Variants in ERICH3 observed in about 807,000 individuals in gnomAD.
ERICH3 encodes glutamate-rich protein 3.
ERICH3 carries 126 observed loss-of-function variants against 131.1 expected under a neutral mutation model. That is an observed-to-expected ratio of 0.96 (90% CI 0.83 to 1.11). ERICH3 has a LOEUF of 1.11. ERICH3 is among the 50% of genes most tolerant of loss of function. ERICH3 has a pLI of 0.00. For missense variants in ERICH3, 2,050 were observed against 1,810.7 expected, an observed-to-expected ratio of 1.13 and a Z score of -2.40; for synonymous variants, 695 against 644.6, an observed-to-expected ratio of 1.08 and a Z score of -1.18.
chr1:74,594,274 G>A (rs910937990), intron 11 of ERICH3, among the ~76,000 whole-genome samples: 9 of 79,766 alleles, frequency 1.1e-4, no homozygotes, highest in African/African-American at 7.0e-4. Context: ...AAAATGGGGC[G>A]TGTGTGTGTG....
chr1:74,606,733 A>T lies in ERICH3; in HGVS notation c.1357T>A (p.Ser453Thr). The T allele has an allele frequency of 6.2e-7, 1 of 1,613,512 alleles. No individual in the cohort carries two copies. The highest frequency in any genetic ancestry group is 8.5e-7 in the Non-Finnish European group (1 of 1,179,628). Reference protein sequence around the residue: ...NEIKENKTSVSAKFSAQEIKT... With the variant: ...NEIKENKTSVTAKFSAQEIKT... ...ATTTCTTGAGCTGAAAATTTGGCTG[A>T]AACAGAGGTTTTGTTCTCCTTGATC... Residue 453 changes from serine (S) to threonine (T), a missense_variant, in exon 10 of 15, where the codon TCA becomes ACA. Transcript: ENST00000326665.
At chr1:74,649,122 G>A (rs961998956) in intron 2 of ERICH3, 100 bp downstream of exon 2, 1 of 744,538 alleles carries the variant, frequency 1.3e-6, no homozygotes, top group Non-Finnish European at 2.1e-6. Flanking sequence ...CTAAAATGAG[G>A]GCAAGTGGAA....
intron 11 of ERICH3, among the ~76,000 whole-genome samples, chr1:74,593,142 G>T (rs756454932): frequency 6.6e-6 from 1 of 152,110 alleles, no homozygotes; most frequent in Non-Finnish European, 1.5e-5. Flanking sequence ...CATTGCGTGA[G>T]GTCTTGGCCG....
intron 1 of ERICH3, among the ~76,000 whole-genome samples, chr1:74,654,189 C>G (rs555847590): frequency 1.5e-4 from 23 of 152,110 alleles, no homozygotes; most frequent in Non-Finnish European, 2.9e-5. Context: ...ACAAGAATCA[C>G]CTTTAAAAAT....
intron 6 of ERICH3, 61 bp from the exon 7 acceptor site, chr1:74,631,989 C>T: frequency 6.9e-7 from 1 of 1,455,272 alleles, no homozygotes; most frequent in Non-Finnish European, 9.5e-7. Flanking sequence ...CAATGTAACC[C>T]AAATTTAAAG....
At chr1:74,570,696 CCTT>C (rs1646926771) in intron 14 of ERICH3, among the ~76,000 whole-genome samples, 1 of 152,160 alleles carries the variant, frequency 6.6e-6, no homozygotes, top group East Asian at 1.9e-4. Flanking sequence ...TAACAAACAA[CCTT>C]CATCTCATCC....
chr1:74,572,026 C>T lies in ERICH3; in HGVS notation c.3684G>A (p.Gln1228=), dbSNP rs1557655098. The change falls in exon 14 of 15, where the codon CAG becomes CAA. Residue 1228 remains glutamine, a synonymous_variant. Coordinates refer to ENST00000326665, the MANE Select transcript of ERICH3 (RefSeq NM_001002912.5). ...APEAEPAGKV[Q]APEGLIPATG... The stretch of plus-strand genomic sequence containing the variant: ...TGGCTGGGATCAGCCCCTCAGGGGC[C>T]TGCACCTTTCCTGCTGGCTCAGCTT... 6.2e-7 allele frequency: 1 copy of T among 1,614,180 alleles called. No individual in the cohort carries two copies.
chr1:74,593,863 T>A (rs918337850), intron 11 of ERICH3, among the ~76,000 whole-genome samples: 2 of 152,108 alleles, frequency 1.3e-5, no homozygotes, highest in African/African-American at 2.4e-5. Context: ...TAGACTGCAA[T>A]AAAACCAAGA....
intron 3 of ERICH3, among the ~76,000 whole-genome samples, chr1:74,644,747 C>T (rs1005225758): frequency 6.6e-6 from 1 of 152,060 alleles, no homozygotes; most frequent in African/African-American, 2.4e-5. Context: ...AATTGACCTC[C>T]CACCTCCAAT....
At position 74,572,200 on chromosome 1, in the gene ERICH3, T is replaced by A. The variant is rs1347453304; in HGVS notation, c.3510A>T (p.Ile1170=). ...TPGFEKSLEN[I]TALRKEGGGE... ...CTCCTCCTTCTTTCCTCAGAGCTGTTATGTTTTCCAGCGACTTTTCAAATC... is the reference window on the plus strand; with the variant it reads ...CTCCTCCTTCTTTCCTCAGAGCTGTAATGTTTTCCAGCGACTTTTCAAATC... The change falls in exon 14 of 15, where the codon ATA becomes ATT. Residue 1170 remains isoleucine (I), a synonymous_variant. Transcript: ENST00000326665. 1 of 1,614,214 alleles carries A rather than the reference T, an allele frequency of 6.2e-7. No homozygotes were observed. Among genetic ancestry groups the A allele is most frequent in the South Asian group, 1.1e-5 (1 of 91,088 alleles).
rs766061112 is a variant in ERICH3, at chr1:74,572,284, C to T, written c.3426G>A (p.Gly1142=). ...VEASELSDNP[G]LLGEDSLKET... ...CTTTTAGTGAATCTTCTCCTAGAAG[C>T]CCTGGATTGTCAGACAACTCAGAAG... Residue 1142 remains glycine, a synonymous_variant, in exon 14 of 15, where the codon GGG becomes GGA. Coordinates refer to ENST00000326665, the MANE Select transcript of ERICH3 (RefSeq NM_001002912.5). 4 of 1,614,062 alleles carry T rather than the reference C, an allele frequency of 2.5e-6. No homozygotes were observed. Among genetic ancestry groups the T allele is most frequent in the Non-Finnish European group, 3.4e-6 (4 of 1,180,018 alleles).
chr1:74,606,938 C>T lies in ERICH3; in HGVS notation c.1188-36G>A, dbSNP rs1460348130. On this transcript the variant is annotated intron_variant, in intron 9 of 14. Transcript: ENST00000326665. ...TATTAGCAGGAAGTGTTTGTTAACCCTTGTAGACAGCACAATGGAACCTCA... is the reference window on the plus strand; with the variant it reads ...TATTAGCAGGAAGTGTTTGTTAACCTTTGTAGACAGCACAATGGAACCTCA... The T allele has an allele frequency of 1.9e-6, 3 of 1,560,816 alleles. No homozygotes were observed. The African/African-American group carries it at 4.1e-5, about 21-fold the overall frequency.
chr1:74,620,936 G>T, intron 7 of ERICH3, 22 bp from the exon 8 acceptor site: 2 of 1,502,606 alleles, frequency 1.3e-6, no homozygotes, highest in African/African-American at 1.4e-5. Flanking sequence ...AGAAAAATGA[G>T]GCTTATTAAC....
intron 2 of ERICH3, among the ~76,000 whole-genome samples, 191 bp from the exon 3 acceptor site, chr1:74,646,983 C>T (rs891125311): frequency 1.0e-4 from 14 of 134,668 alleles, no homozygotes; most frequent in South Asian, 2.4e-4. Flanking sequence ...AAAAAAAAAA[C>T]GAGAGGGGAG....
At chr1:74,615,918 A>G (rs894851207) in intron 8 of ERICH3, among the ~76,000 whole-genome samples, 1 of 152,122 alleles carries the variant, frequency 6.6e-6, no homozygotes, top group African/African-American at 2.4e-5. Context: ...ATAAGTAGGA[A>G]TCTCAAAGGC....
intron 1 of ERICH3, among the ~76,000 whole-genome samples, chr1:74,667,766 C>A (rs1399056472): frequency 2.0e-5 from 3 of 152,090 alleles, no homozygotes; most frequent in Admixed American, 2.0e-4. Flanking sequence ...TGAGAGAAAC[C>A]CAAAGACTTT....
chr1:74,634,929 C>G (rs1453354976), intron 6 of ERICH3: 5 of 391,350 alleles, frequency 1.3e-5, no homozygotes, highest in African/African-American at 1.0e-4. Flanking sequence ...CACTAGGCAA[C>G]TTTCTCATTG....
Position 74,612,756 on chromosome 1 carries a change from A to G in ERICH3, c.1054T>C (p.Phe352Leu), listed in dbSNP as rs149739222. 18 of 1,599,146 alleles carry G rather than the reference A, an allele frequency of 1.1e-5. No homozygotes were observed. The African/African-American group carries it at 2.1e-4, about 19-fold the overall frequency. ...TTCACCTGCATCCCATTCAGGAAAA[A>G]GGTGAGACTGAAGGGGAAACCATGA... ...RHHGFPFSLTFFLNGMQVNRL... is the reference protein window; with the variant it reads ...RHHGFPFSLTLFLNGMQVNRL... The change falls in exon 9 of 15, where the codon TTT (phenylalanine) becomes CTT (leucine). Residue 352 changes from phenylalanine (F) to leucine (L), a missense_variant. Physicochemically the swap from Phe to Leu is conservative, Grantham distance 22. Transcript: ENST00000326665.
In ERICH3 at chr1:74,646,772, T is replaced by C. The variant is rs1478764713; in HGVS notation, c.138A>G (p.Ile46Met). The C allele has an allele frequency of 1.3e-6, 2 of 1,486,292 alleles. No individual in the cohort carries two copies. Among genetic ancestry groups the C allele is most frequent in the Non-Finnish European group, 1.8e-6 (2 of 1,092,984 alleles). The allele number at this position is 1,486,292 out of a possible 1,614,324, so 92.1% of individuals were successfully genotyped here. Residue 46 changes from isoleucine to methionine, a missense_variant, in exon 3 of 15, where the codon ATA becomes ATG. Physicochemically the swap from Ile to Met is conservative, Grantham distance 10. Coordinates refer to ENST00000326665, the MANE Select transcript of ERICH3 (RefSeq NM_001002912.5). ...RSGLITRSGR[I>M]LSEKEYKLNM... Reference sequence around the variant, plus strand: ...TTAGTTTATATTCTTTTTCAGAAAGTATTCTTCCACTTCTTGTGATCTGTC... The same window carrying C: ...TTAGTTTATATTCTTTTTCAGAAAGCATTCTTCCACTTCTTGTGATCTGTC...
Sources: gnomAD v4.1 joint callset for allele counts (sites outside exome capture counted in the v4.1 genomes callset) on GRCh38, gnomAD v4.1.1 for gene constraint, MANE v1.5 for transcripts, NCBI Gene and HGNC (gene_info 2026-07-23, HGNC 2026-07-21) for gene names.